The following IMMP2L variants were observed in gnomAD, a reference collection of about 807,000 sequenced individuals.
IMMP2L encodes the protein inner mitochondrial membrane peptidase subunit 2.
A neutral mutation model predicts 19.3 loss-of-function variants in IMMP2L; 18 were observed. The observed-to-expected ratio is 0.93, with a 90% CI of 0.64 to 1.38. The LOEUF (loss-of-function observed/expected upper bound fraction) is 1.38. Among genes scored for constraint, IMMP2L ranks in the 40% most tolerant of loss-of-function variants. The pLI, the probability that IMMP2L is intolerant of heterozygous loss-of-function variation, is 0.00. For missense variants in IMMP2L, 233 were observed against 218.2 expected (o/e 1.07, Z -0.43); for synonymous variants, 76 against 73.0 (o/e 1.04, Z -0.21).
chr7:111,266,113 T>A (rs1817805410), intron 3 of IMMP2L, among the ~76,000 whole-genome samples: 1 of 152,226 alleles, frequency 6.6e-6, no homozygotes, highest in Admixed American at 6.5e-5. Flanking sequence ...TTATTGTCTG[T>A]CTTCCTTGAA....
intron 3 of IMMP2L, among the ~76,000 whole-genome samples, chr7:111,075,503 A>C (rs2129575794): frequency 6.6e-6 from 1 of 152,302 alleles, no homozygotes; most frequent in South Asian, 2.1e-4. Context: ...CTGATAGTGA[A>C]TATTCTGTTT....
intron 3 of IMMP2L, among the ~76,000 whole-genome samples, chr7:111,159,885 A>C (rs1182814498): frequency 2.0e-5 from 3 of 152,064 alleles, no homozygotes; most frequent in Non-Finnish European, 2.9e-5. Flanking sequence ...TTTTTTTATT[A>C]CTATGTCTTC....
intron 3 of IMMP2L, among the ~76,000 whole-genome samples, chr7:111,040,509 A>G (rs1425044819): frequency 6.6e-6 from 1 of 151,708 alleles, no homozygotes; most frequent in African/African-American, 2.4e-5. Context: ...GTGTTTAATC[A>G]AATTTATCTA....
At chr7:110,952,768 T>C (rs1001120806) in intron 4 of IMMP2L, among the ~76,000 whole-genome samples, 11 of 152,248 alleles carry the variant, frequency 7.2e-5, no homozygotes, top group Admixed American at 7.2e-4. Context: ...TCAGTTATTT[T>C]AGCCCATGGA....
intron 5 of IMMP2L, among the ~76,000 whole-genome samples, chr7:110,733,337 A>C (rs1324429479): frequency 1.3e-5 from 2 of 152,202 alleles, no homozygotes; most frequent in Non-Finnish European, 2.9e-5. Context: ...AGAATTGAGG[A>C]AAGCATGCCC....
In IMMP2L at chr7:110,956,924, G is replaced by A. The variant is rs555951803; in HGVS notation, c.305+6576C>T. On this transcript the variant is annotated intron_variant, in intron 4 of 5. Transcript: ENST00000405709. The stretch of plus-strand genomic sequence containing the variant: ...TTTAGTGCTTTGCATTCATTTTATG[G>A]TTTTCTAAAACAATGCTTCTATTTG... Among the ~76,000 whole-genome samples, 3 of 152,000 alleles carry A rather than the reference G, an allele frequency of 2.0e-5. No individual in the cohort carries two copies. In the South Asian group the frequency reaches 6.2e-4, roughly 32 times the overall value.
At chr7:111,272,570 T>A (rs1031298094) in intron 3 of IMMP2L, among the ~76,000 whole-genome samples, 4 of 152,182 alleles carry the variant, frequency 2.6e-5, no homozygotes, top group African/African-American at 4.8e-5. Flanking sequence ...GCTTCACACA[T>A]AGTAAGTGTC....
rs772009972 is a variant in IMMP2L at position 111,123,772 on chromosome 7, C to T, written c.240-160207G>A. 1 of 1,613,946 alleles carries T rather than the reference C, an allele frequency of 6.2e-7. No homozygotes were observed. The highest frequency in any genetic ancestry group is 1.7e-5 in the Admixed American group (1 of 59,970). On this transcript the variant is annotated intron_variant, in intron 3 of 5. Coordinates refer to ENST00000405709, the MANE Select transcript of IMMP2L (RefSeq NM_032549.4). The surrounding 1 kb of genome is among the most constrained non-coding windows in gnomAD (Gnocchi z 6.4). ...TCACCCCAATGCATTTTTCAGACTC[C>T]CCAAGCTGGAATCACTCATGCTGAA...
chr7:111,003,943 A>G (rs1322914526), intron 3 of IMMP2L, among the ~76,000 whole-genome samples: 1 of 152,224 alleles, frequency 6.6e-6, no homozygotes, highest in Non-Finnish European at 1.5e-5. Flanking sequence ...CAGATATACC[A>G]CTTTGTATAT....
intron 3 of IMMP2L, among the ~76,000 whole-genome samples, chr7:111,325,443 A>G (rs1825209142): frequency 6.6e-6 from 1 of 151,690 alleles, no homozygotes; most frequent in Admixed American, 6.6e-5. Flanking sequence ...TTTTCCACTT[A>G]ATATAGCTAT....
intron 3 of IMMP2L, among the ~76,000 whole-genome samples, chr7:111,460,851 C>A (rs1003313813): frequency 1.3e-5 from 2 of 151,968 alleles, no homozygotes; most frequent in Non-Finnish European, 2.9e-5. Context: ...GGAAAAAATA[C>A]ACCCACAAAA....
At position 110,717,215 on chromosome 7, in the gene IMMP2L, G is replaced by C. The variant is rs899426752; in HGVS notation, c.409-53494C>G. Among the ~76,000 whole-genome samples the C allele has an allele frequency of 6.6e-5, 10 of 152,320 alleles. No individual in the cohort carries two copies. In the East Asian group the frequency reaches 1.7e-3, roughly 26 times the overall value. ...ACTCAAGCCGGGCGTGGTGGCACAT[G>C]GCTGTAATCCCAGCACTTTGGGAGG... On this transcript the variant is annotated intron_variant, in intron 5 of 5. Coordinates refer to ENST00000405709, the MANE Select transcript of IMMP2L (RefSeq NM_032549.4).
intron 3 of IMMP2L, among the ~76,000 whole-genome samples, chr7:111,281,088 G>GAGAA (rs201293874): frequency 0.01 from 369 of 35,660 alleles, 30 homozygotes; most frequent in African/African-American, 0.045. Flanking sequence ...AAGAAGGAAA[G>GAGAA]AGAGAGAAAG....
At chr7:111,503,453 CT>C (rs1844523738) in intron 2 of IMMP2L, among the ~76,000 whole-genome samples, 1 of 152,106 alleles carries the variant, frequency 6.6e-6, no homozygotes. Context: ...AGAGGGAATC[CT>C]CCCTAACTCA....
intron 3 of IMMP2L, among the ~76,000 whole-genome samples, chr7:111,231,092 A>G (rs1450194593): frequency 6.6e-6 from 1 of 151,304 alleles, no homozygotes; most frequent in Non-Finnish European, 1.5e-5. Flanking sequence ...TAATACTGAA[A>G]CCAATAAATT....
At chr7:111,041,678 T>C (rs929356606) in intron 3 of IMMP2L, among the ~76,000 whole-genome samples, 16 of 152,118 alleles carry the variant, frequency 1.1e-4, no homozygotes, top group African/African-American at 3.6e-4. Context: ...CTTTTCTATT[T>C]GTACTCTTCT....
intron 5 of IMMP2L, among the ~76,000 whole-genome samples, chr7:110,801,980 A>G (rs1019884731): frequency 1.3e-5 from 2 of 152,210 alleles, no homozygotes; most frequent in South Asian, 4.1e-4. Context: ...TCCATATGAC[A>G]GTGAAGATCA....
chr7:110,698,171 C>T (rs1794013882), intron 5 of IMMP2L, among the ~76,000 whole-genome samples: 1 of 152,126 alleles, frequency 6.6e-6, no homozygotes, highest in African/African-American at 2.4e-5. Flanking sequence ...CCAAACTCTC[C>T]ACCATAGTCA....
rs997225810 is a variant in IMMP2L, at chr7:110,811,474, C to T, written c.408+75119G>A. Reference sequence around the variant, plus strand: ...AATTTATTATAAATATCATTCTGGGCTTATTCATCAATGCAGCTGGAACAG... The same window carrying T: ...AATTTATTATAAATATCATTCTGGGTTTATTCATCAATGCAGCTGGAACAG... On this transcript the variant is annotated intron_variant, in intron 5 of 5. Transcript: ENST00000405709. Among the ~76,000 whole-genome samples the T allele has an allele frequency of 3.9e-5, 6 of 151,944 alleles. No homozygotes were observed. In the East Asian group the frequency reaches 9.7e-4, roughly 25 times the overall value.
Sources: allele counts gnomAD v4.1 joint callset (sites outside exome capture counted in the v4.1 genomes callset), GRCh38; gene constraint gnomAD v4.1.1; non-coding constraint Gnocchi (gnomAD v3.1); transcripts MANE v1.5; gene names NCBI Gene and HGNC (gene_info 2026-07-23, HGNC 2026-07-21).